Variants in ARHGAP15 observed in about 807,000 individuals in gnomAD.
ARHGAP15 encodes Rho GTPase activating protein 15.
Under a neutral mutation model 63.7 loss-of-function variants are expected in ARHGAP15, and 51 were observed. The observed-to-expected ratio is 0.80, with a 90% CI of 0.64 to 1.01. The LOEUF is 1.01. Ranked by LOEUF, ARHGAP15 falls within the 50% of genes least tolerant of loss-of-function variation. The pLI is 0.00. For synonymous variants in ARHGAP15, 191 were observed against 193.8 expected, an observed-to-expected ratio of 0.99 and a Z score of 0.12; for missense variants, 560 against 564.6, an observed-to-expected ratio of 0.99 and a Z score of 0.08.
chr2:143,152,256 A>C (rs1689856071), intron 1 of ARHGAP15, among the ~76,000 whole-genome samples: 1 of 151,960 alleles, frequency 6.6e-6, no homozygotes, highest in African/African-American at 2.4e-5. Context: ...CTTCCCTGGT[A>C]CTTTATGTCC....
At chr2:143,519,135 T>A (rs767087252) in intron 9 of ARHGAP15, 131 bp from the exon 10 acceptor site, 10 of 607,342 alleles carry the variant, frequency 1.6e-5, no homozygotes, top group African/African-American at 5.7e-5. Flanking sequence ...ATAGACACTA[T>A]GGAAATAAAG....
chr2:143,343,592 G>C (rs928238787), intron 6 of ARHGAP15, among the ~76,000 whole-genome samples: 2 of 152,016 alleles, frequency 1.3e-5, no homozygotes, highest in Non-Finnish European at 2.9e-5. Context: ...ATAGAAACTC[G>C]ATATTTGTTG....
At chr2:143,673,463 A>G (rs1247616233) in intron 12 of ARHGAP15, among the ~76,000 whole-genome samples, 2 of 151,654 alleles carry the variant, frequency 1.3e-5, no homozygotes, top group African/African-American at 4.8e-5. Flanking sequence ...ACGCCCAGCC[A>G]ATTTTTATAT....
intron 2 of ARHGAP15, among the ~76,000 whole-genome samples, chr2:143,190,645 T>G (rs1417087168): frequency 1.3e-5 from 2 of 152,184 alleles, no homozygotes; most frequent in African/African-American, 4.8e-5. Flanking sequence ...TTGCAATGGG[T>G]GAGTAAGCCT....
intron 11 of ARHGAP15, among the ~76,000 whole-genome samples, chr2:143,559,499 C>T (rs550003460): frequency 3.9e-5 from 6 of 152,280 alleles, no homozygotes; most frequent in African/African-American, 1.4e-4. Context: ...ACATTAGGAC[C>T]TTTGATACTG....
intron 11 of ARHGAP15, among the ~76,000 whole-genome samples, chr2:143,611,705 G>T: frequency 6.6e-6 from 1 of 152,172 alleles, no homozygotes; most frequent in East Asian, 1.9e-4. Flanking sequence ...CCAAACAAAA[G>T]TGTCAATAGC....
At chr2:143,250,768 C>CT (rs1157916057) in intron 6 of ARHGAP15, among the ~76,000 whole-genome samples, 168 bp downstream of exon 6, 2 of 151,926 alleles carry the variant, frequency 1.3e-5, no homozygotes, top group Non-Finnish European at 2.9e-5. Flanking sequence ...GGTTTTGTTG[C>CT]TTTTTTTCTG....
At chr2:143,688,829 T>C (rs1278493529) in intron 12 of ARHGAP15, among the ~76,000 whole-genome samples, 2 of 152,208 alleles carry the variant, frequency 1.3e-5, no homozygotes, top group African/African-American at 4.8e-5. Flanking sequence ...ACTAAATGTT[T>C]ATTTTTTTAG....
chr2:143,545,749 A>AT (rs946064418), intron 10 of ARHGAP15, among the ~76,000 whole-genome samples: 9 of 151,518 alleles, frequency 5.9e-5, no homozygotes, highest in African/African-American at 1.2e-4. Context: ...CACAATTGGG[A>AT]TTTTTTTTTC....
At chr2:143,211,358 G>T (rs1312754013) in intron 3 of ARHGAP15, among the ~76,000 whole-genome samples, 1 of 116,714 alleles carries the variant, frequency 8.6e-6, no homozygotes, top group Admixed American at 1.0e-4. Context: ...CGTGGGTGGG[G>T]GGCGGGAATT....
rs745870286 is a variant in ARHGAP15 at position 143,649,165 on chromosome 2, A to G, written c.1138+24898A>G. ...CTAGCAACAAGCTTAATTTTCTTCT[A>G]TCATTCATCATCATCATCATCATCA... On this transcript the variant is annotated intron_variant, in intron 12 of 13. Transcript: ENST00000295095. 4.2e-4 allele frequency among the ~76,000 whole-genome samples: 63 copies of G among 150,502 alleles called. 1 individual carries two copies. Among genetic ancestry groups the G allele is most frequent in the Non-Finnish European group, 1.5e-4 (10 of 67,872 alleles).
intron 11 of ARHGAP15, among the ~76,000 whole-genome samples, chr2:143,603,065 T>A (rs1293399371): frequency 6.6e-6 from 1 of 152,170 alleles, no homozygotes; most frequent in Non-Finnish European, 1.5e-5. Context: ...TACCTTGAAG[T>A]CAATTGAAAA....
chr2:143,555,286 T>C (rs1231297311), intron 10 of ARHGAP15, among the ~76,000 whole-genome samples: 1 of 152,118 alleles, frequency 6.6e-6, no homozygotes, highest in Non-Finnish European at 1.5e-5. Context: ...TGGGAAGTCT[T>C]TATTCTGTTA....
At chr2:143,589,853 T>C (rs1012107585) in intron 11 of ARHGAP15, among the ~76,000 whole-genome samples, 7 of 152,204 alleles carry the variant, frequency 4.6e-5, no homozygotes, top group Admixed American at 3.3e-4. Flanking sequence ...AAAATTAAAA[T>C]TAAACTCATA....
intron 10 of ARHGAP15, among the ~76,000 whole-genome samples, chr2:143,539,576 T>C (rs1311169789): frequency 6.6e-6 from 1 of 152,222 alleles, no homozygotes; most frequent in African/African-American, 2.4e-5. Flanking sequence ...TCTGGTATGT[T>C]GTGTCTTTGT....
chr2:143,565,286 T>A (rs558546603), intron 11 of ARHGAP15, among the ~76,000 whole-genome samples: 3 of 152,124 alleles, frequency 2.0e-5, no homozygotes, highest in Non-Finnish European at 4.4e-5. Context: ...ATTTTCCAGG[T>A]GTTCAGCCTA....
At chr2:143,347,815 T>G (rs1415835883) in intron 6 of ARHGAP15, among the ~76,000 whole-genome samples, 2 of 4,538 alleles carry the variant, frequency 4.4e-4, no homozygotes, top group African/African-American at 6.8e-3. Flanking sequence ...GACTTCGTGA[T>G]TTTTTTTTTT....
At chr2:143,165,950 G>GAGAGAAAGAAAA (rs1462717090) in intron 2 of ARHGAP15, among the ~76,000 whole-genome samples, 8 of 111,322 alleles carry the variant, frequency 7.2e-5, no homozygotes, top group African/African-American at 2.8e-4. Context: ...AAAGAAGAAA[G>GAGAGAAAGAAAA]AAAGAAAGAG....
At chr2:143,273,747 C>T (rs1005649658) in intron 6 of ARHGAP15, among the ~76,000 whole-genome samples, 1 of 152,026 alleles carries the variant, frequency 6.6e-6, no homozygotes, top group East Asian at 1.9e-4. Flanking sequence ...AATTTTTAAC[C>T]TATTTTAAAT....
Sources: allele counts gnomAD v4.1 joint callset (sites outside exome capture counted in the v4.1 genomes callset), GRCh38; gene constraint gnomAD v4.1.1; transcripts MANE v1.5; gene names NCBI Gene and HGNC (gene_info 2026-07-23, HGNC 2026-07-21).